ACE: variants seen among roughly 807,000 people sequenced by gnomAD.
ACE encodes the protein angiotensin I converting enzyme.
Under a neutral mutation model 162.3 loss-of-function variants are expected in ACE, and 122 were observed. The ratio of observed to expected loss-of-function variants is 0.75; its 90% CI spans 0.65 to 0.87. The LOEUF (loss-of-function observed/expected upper bound fraction) is 0.87. Ranked by LOEUF, ACE falls within the 40% of genes least tolerant of loss-of-function variation. The probability of loss-of-function intolerance (pLI) is 0.00; values close to 1 mark genes in which losing one functional copy is unlikely to be tolerated. For synonymous variants in ACE, 796 were observed against 720.6 expected, an observed-to-expected ratio of 1.10 and a Z score of -1.68; for missense variants, 1,799 against 1,735.1, an observed-to-expected ratio of 1.04 and a Z score of -0.65.
rs1338383822 is a variant in ACE, at chr17:63,477,274, G to A, written c.180G>A (p.Val60=). ...GCTACAACTCCAGCGCCGAACAGGT[G>A]CTGTTCCAGAGCGTGGCCGCCAGCT... is the stretch of plus-strand genomic sequence containing the variant. ...AQSYNSSAEQ[V]LFQSVAASWA... is the part of the protein sequence containing the mutation. The change falls in exon 1 of 25, where the codon GTG becomes GTA. Residue 60 remains valine, a synonymous_variant. Transcript: ENST00000290866. 1 of 1,486,018 alleles carries A rather than the reference G, an allele frequency of 6.7e-7. No homozygotes were observed. The highest frequency in any genetic ancestry group is 8.9e-7 in the Non-Finnish European group (1 of 1,117,840). The allele number at this position is 1,486,018 out of a possible 1,614,324, so 92.1% of individuals were successfully genotyped here. A position where few individuals can be genotyped will look rare whatever the true frequency, so the allele number is the denominator to read the frequency against.
In ACE at chr17:63,477,283, G is replaced by A. The variant is rs780601919; in HGVS notation, c.189G>A (p.Gln63=). ...YNSSAEQVLF[Q]SVAASWAHDT... is the part of the protein sequence containing the mutation. ...CCAGCGCCGAACAGGTGCTGTTCCA[G>A]AGCGTGGCCGCCAGCTGGGCGCACG... The change falls in exon 1 of 25, where the codon CAG becomes CAA. Residue 63 remains glutamine (Q), a synonymous_variant. Transcript: ENST00000290866. The A allele has an allele frequency of 4.1e-6, 6 of 1,457,494 alleles. No homozygotes were observed. Among genetic ancestry groups the A allele is most frequent in the Admixed American group, 2.2e-5 (1 of 45,246 alleles). 90.3% of individuals were successfully genotyped at this position (1,457,494 alleles called of 1,614,324 possible).
chr17:63,478,649 TG>T, intron 2 of ACE: 1 of 376,498 alleles, frequency 2.7e-6, no homozygotes, highest in Non-Finnish European at 5.1e-6. Flanking sequence ...CGTGACAGAG[TG>T]AGACCTCCCC....
At chr17:63,490,747 C>A (rs952273372) in intron 17 of ACE, 9 of 603,800 alleles carry the variant, frequency 1.5e-5, no homozygotes, top group Non-Finnish European at 2.4e-5. Context: ...GCAAGGCCCC[C>A]ACCTAGAGCC....
At chr17:63,482,981 C>T in intron 8 of ACE, 48 bp from the exon 9 acceptor site, 1 of 1,595,590 alleles carries the variant, frequency 6.3e-7, no homozygotes, top group Non-Finnish European at 8.6e-7. Flanking sequence ...AGGGGACCCT[C>T]TTCTCCCTCT....
intron 9 of ACE, 133 bp downstream of exon 9, chr17:63,483,306 C>T: frequency 2.6e-6 from 4 of 1,531,896 alleles, no homozygotes; most frequent in Non-Finnish European, 3.6e-6. Context: ...CCACCGCCTT[C>T]TCCTTTCCTG....
In ACE at chr17:63,491,088, G is replaced by A. The variant is rs2030344255; in HGVS notation, c.2739+37G>A. 1 of 1,612,524 alleles carries A rather than the reference G, an allele frequency of 6.2e-7. No homozygotes were observed. On this transcript the variant is annotated intron_variant, in intron 18 of 24. Coordinates refer to ENST00000290866, the MANE Select transcript of ACE (RefSeq NM_000789.4). The surrounding 1 kb of genome is among the most constrained non-coding windows in gnomAD (Gnocchi z 4.4). ...CCCAGGGGCAGGGAGGCCCCGCCGG[G>A]ATGGGAGGGACCCTCTGATTCAGGA...
At position 63,477,320 on chromosome 17, in the gene ACE, A is replaced by T. The variant is rs1465491488; in HGVS notation, c.226A>T (p.Thr76Ser). ...AASWAHDTNITAENARRQEEA... is the reference protein window; with the variant it reads ...AASWAHDTNISAENARRQEEA... ...CAGCTGGGCGCACGACACCAACATC[A>T]CCGCGGAGAATGCAAGGCGCCAGGT... Residue 76 changes from threonine (T) to serine (S), a missense_variant, in exon 1 of 25, where the codon ACC becomes TCC. By Grantham distance (58) the Thr-to-Ser change is moderately conservative (BLOSUM62 1). Coordinates refer to ENST00000290866, the MANE Select transcript of ACE (RefSeq NM_000789.4). 7.7e-6 allele frequency: 10 copies of T among 1,306,112 alleles called. No individual in the cohort carries two copies. The highest frequency in any genetic ancestry group is 1.6e-5 in the African/African-American group (1 of 62,886). The allele number at this position is 1,306,112 out of a possible 1,614,324, so 80.9% of individuals were successfully genotyped here. A position where few individuals can be genotyped will look rare whatever the true frequency, so the allele number is the denominator to read the frequency against.
chr17:63,477,857 C>T (rs754637880), intron 1 of ACE, 74 bp from the exon 2 acceptor site: 2 of 1,540,424 alleles, frequency 1.3e-6, no homozygotes, highest in South Asian at 2.4e-5. Flanking sequence ...CCTCCCCCAG[C>T]ACCGTGGCTT....
Position 63,479,150 on chromosome 17 carries a change from T to C in ACE, c.511+50T>C, listed in dbSNP as rs375020889. 6.2e-6 allele frequency: 9 copies of C among 1,444,750 alleles called. No individual in the cohort carries two copies. The African/African-American group carries it at 7.1e-5, about 11-fold the overall frequency. 89.5% of individuals were successfully genotyped at this position (1,444,750 alleles called of 1,614,324 possible). ...CGGCGGTGCCCTAGTGTTCCCACAT[T>C]GCCCTGCTGCACTCCAGACCATGCA... On this transcript the variant is annotated intron_variant, in intron 3 of 24. Coordinates refer to ENST00000290866, the MANE Select transcript of ACE (RefSeq NM_000789.4).
Position 63,477,089 on chromosome 17 carries a change from C to G in ACE, c.-6C>G. On this transcript the variant is annotated 5_prime_UTR_variant, in exon 1 of 25. Coordinates refer to ENST00000290866, the MANE Select transcript of ACE (RefSeq NM_000789.4). ...AGGGGCAGAGCCGAGCACCGCGCAC[C>G]GCGTCATGGGGGCCGCCTCGGGCCG... 7.7e-7 allele frequency: 1 copy of G among 1,302,814 alleles called. No homozygotes were observed. The highest frequency in any genetic ancestry group is 9.7e-7 in the Non-Finnish European group (1 of 1,033,388). The allele number at this position is 1,302,814 out of a possible 1,614,324, so 80.7% of individuals were successfully genotyped here.
chr17:63,489,123 C>A lies in ACE; in HGVS notation c.2632C>A (p.His878Asn), dbSNP rs781252796. ...HINLEGPIPA[H>N]LLGNMWAQTW... ...CAACCTGGAGGGGCCCATTCCTGCT[C>A]ACCTGCTGGGTAAGGGCACATGTCG... The change falls in exon 17 of 25, where the codon CAC (histidine) becomes AAC (asparagine). Residue 878 changes from histidine to asparagine, a missense_variant. Physicochemically the swap from His to Asn is moderately conservative, Grantham distance 68. Coordinates refer to ENST00000290866, the MANE Select transcript of ACE (RefSeq NM_000789.4). The A allele has an allele frequency of 4.3e-6, 7 of 1,609,656 alleles. No homozygotes were observed. Among genetic ancestry groups the A allele is most frequent in the Non-Finnish European group, 5.9e-6 (7 of 1,179,990 alleles).
intron 6 of ACE, 44 bp downstream of exon 6, chr17:63,481,232 G>A (rs1478922930): frequency 1.1e-6 from 1 of 924,428 alleles, no homozygotes; most frequent in Non-Finnish European, 1.7e-6. Flanking sequence ...GTCGGGGGTG[G>A]GGCGCAAAAA....
rs372668972 is a variant in ACE, at chr17:63,491,083, G to C, written c.2739+32G>C. ...ACCAGCCCAGGGGCAGGGAGGCCCC[G>C]CCGGGATGGGAGGGACCCTCTGATT... On this transcript the variant is annotated intron_variant, in intron 18 of 24. Transcript: ENST00000290866. This position sits in a 1 kb window ranked among gnomAD's most constrained non-coding sequence, Gnocchi z 4.4. 6.2e-7 allele frequency: 1 copy of C among 1,612,192 alleles called. No homozygotes were observed. The highest frequency in any genetic ancestry group is 2.2e-5 in the East Asian group (1 of 44,856).
intron 13 of ACE, chr17:63,486,319 C>T (rs1331256814): frequency 3.4e-6 from 2 of 585,196 alleles, no homozygotes; most frequent in South Asian, 2.0e-5. Flanking sequence ...GGGGTCTTCT[C>T]TTCTCTGCCC....
chr17:63,490,897 T>G, intron 17 of ACE, 57 bp from the exon 18 acceptor site: 272 of 1,539,658 alleles, frequency 1.8e-4, no homozygotes, highest in Non-Finnish European at 2.3e-4. Context: ...AGGAGGGCAT[T>G]GAGCCTAAGT....
chr17:63,487,682 C>T (rs917260543), intron 15 of ACE, among the ~76,000 whole-genome samples: 2 of 152,136 alleles, frequency 1.3e-5, no homozygotes, highest in Non-Finnish European at 2.9e-5. Context: ...TGAAAGAGCT[C>T]ACCCCCGACA....
intron 9 of ACE, 133 bp from the exon 10 acceptor site, chr17:63,483,327 C>T (rs531653469): frequency 3.4e-6 from 5 of 1,488,248 alleles, no homozygotes; most frequent in Non-Finnish European, 4.7e-6. Flanking sequence ...CCTGAAACTC[C>T]CTCTTCCAGG....
In ACE at chr17:63,494,397, C is replaced by A. The variant is rs745776314; in HGVS notation, c.3307C>A (p.Pro1103Thr). The A allele has an allele frequency of 9.9e-6, 16 of 1,614,074 alleles. No homozygotes were observed. In the East Asian group the frequency reaches 2.9e-4, roughly 29 times the overall value. ...LRLKYQGLCP[P>T]VPRTQGDFDP... ...GCTGAAGTACCAGGGCCTCTGCCCC[C>A]CAGTGCCCAGGACTCAAGGTGACTT... Residue 1103 changes from proline to threonine, a missense_variant, in exon 22 of 25, where the codon CCA (proline) becomes ACA (threonine). By Grantham distance (38) the Pro-to-Thr change is conservative. Coordinates refer to ENST00000290866, the MANE Select transcript of ACE (RefSeq NM_000789.4).
Position 63,486,928 on chromosome 17 carries a change from G to T in ACE, c.2218-58G>T. The T allele has an allele frequency of 4.5e-6, 7 of 1,538,552 alleles. No individual in the cohort carries two copies. In the South Asian group the frequency reaches 5.6e-5, roughly 12 times the overall value. On this transcript the variant is annotated intron_variant, in intron 14 of 24. Coordinates refer to ENST00000290866, the MANE Select transcript of ACE (RefSeq NM_000789.4). ...CCCATGGGGCCTGGGGGTAGTGCAG[G>T]CCCCAGAGAGACCAAGTGCAAAGGA...
Sources: gnomAD v4.1 joint callset for allele counts (sites outside exome capture counted in the v4.1 genomes callset) on GRCh38, gnomAD v4.1.1 for gene constraint, Gnocchi (gnomAD v3.1) non-coding constraint, MANE v1.5 for transcripts, NCBI Gene and HGNC (gene_info 2026-07-23, HGNC 2026-07-21) for gene names.